The following TEX11 variants were observed in gnomAD, a reference collection of about 807,000 sequenced individuals.
The protein encoded by TEX11 is testis-expressed protein 11.
Under a neutral mutation model 84.4 loss-of-function variants are expected in TEX11, and 7 were observed. The observed-to-expected ratio is 0.08, with a 90% CI of 0.05 to 0.16. The LOEUF (loss-of-function observed/expected upper bound fraction) is 0.16. Ranked by LOEUF, TEX11 falls within the 10% of genes least tolerant of loss-of-function variation. The pLI is 1.00. For missense variants in TEX11, 551 were observed against 660.5 expected, an observed-to-expected ratio of 0.83 and a Z score of 1.82; for synonymous variants, 264 against 222.8, an observed-to-expected ratio of 1.18 and a Z score of -1.64.
chrX:70,654,709 CAAAAAAAAA>C (rs56822297), intron 16 of TEX11, among the ~76,000 whole-genome samples: 2 of 37,627 alleles, frequency 5.3e-5, no homozygotes, highest in African/African-American at 2.4e-4. Flanking sequence ...GACTCTGTCT[CAAAAAAAAA>C]AAAAAAAAAA....
intron 28 of TEX11, among the ~76,000 whole-genome samples, chrX:70,532,489 A>T (rs1362936542): frequency 8.9e-6 from 1 of 112,533 alleles, no homozygotes; most frequent in Non-Finnish European, 1.9e-5. Flanking sequence ...TAATCCCAGC[A>T]CTTTGGGAGG....
chrX:70,767,339 G>A (rs962632259), intron 9 of TEX11, among the ~76,000 whole-genome samples: 1 of 111,841 alleles, frequency 8.9e-6, no homozygotes, highest in African/African-American at 3.2e-5. Flanking sequence ...ACACACAAAT[G>A]GCAGGCAGAC....
At chrX:70,772,778 G>A in intron 9 of TEX11, among the ~76,000 whole-genome samples, 1 of 109,802 alleles carries the variant, frequency 9.1e-6, no homozygotes, top group East Asian at 2.9e-4. Flanking sequence ...AATAAGAAGA[G>A]GTTCAAAAAC....
chrX:70,778,154 G>A (rs1322111891), intron 9 of TEX11, among the ~76,000 whole-genome samples: 1 of 111,406 alleles, frequency 9.0e-6, no homozygotes, highest in Non-Finnish European at 1.9e-5. Flanking sequence ...AGACAAAGAA[G>A]GGCATTATAT....
At chrX:70,645,125 A>G (rs1323760088) in intron 17 of TEX11, among the ~76,000 whole-genome samples, 1 of 110,302 alleles carries the variant, frequency 9.1e-6, no homozygotes, top group Non-Finnish European at 1.9e-5. Context: ...CAAATAATGA[A>G]TAAGGAGATT....
At chrX:70,760,371 A>G (rs1188102485) in intron 9 of TEX11, among the ~76,000 whole-genome samples, 1 of 111,915 alleles carries the variant, frequency 8.9e-6, no homozygotes, top group African/African-American at 3.2e-5. Flanking sequence ...CTATATTACA[A>G]GGCCACAATA....
intron 25 of TEX11, among the ~76,000 whole-genome samples, chrX:70,583,193 T>C (rs976891809): frequency 5.4e-5 from 6 of 111,442 alleles, no homozygotes; most frequent in African/African-American, 1.6e-4. Flanking sequence ...GTATTTACTG[T>C]AACCATCACC....
rs150701506 is a variant in TEX11 at position 70,602,419 on chromosome X, T to A, written c.2067+2982A>T. 4.9e-5 allele frequency among the ~76,000 whole-genome samples: 5 copies of A among 102,116 alleles called. 1 individual carries two copies. The highest frequency in any genetic ancestry group is 4.2e-4 in the Admixed American group (4 of 9,577). 88.7% of individuals were successfully genotyped at this position (102,116 alleles called of 115,157 possible). ...AATATACGCAAATCAATAAATGTAATCCAGCATATAAACAGAGCCAAAGAC... is the reference window on the plus strand; with the variant it reads ...AATATACGCAAATCAATAAATGTAAACCAGCATATAAACAGAGCCAAAGAC... On this transcript the variant is annotated intron_variant, in intron 24 of 29. Transcript: ENST00000374333.
At position 70,620,458 on chromosome X, in the gene TEX11, C is replaced by T. The variant is rs146206060; in HGVS notation, c.1751+3492G>A. 7.0e-4 allele frequency among the ~76,000 whole-genome samples: 78 copies of T among 111,913 alleles called. No homozygotes were observed. In the East Asian group the frequency reaches 0.021, roughly 30 times the overall value. Reference sequence around the variant, plus strand: ...TCTCAAACACTGACAACACCAAATGCTGGTGAGGGCACACAGCAACAGGGA... The same window carrying T: ...TCTCAAACACTGACAACACCAAATGTTGGTGAGGGCACACAGCAACAGGGA... On this transcript the variant is annotated intron_variant, in intron 20 of 29. Transcript: ENST00000374333.
rs764025236 is a variant in TEX11 at position 70,529,883 on chromosome X, C to G, written c.2637G>C (p.Leu879Phe). 8.3e-7 allele frequency: 1 copy of G among 1,211,367 alleles called. No individual in the cohort carries two copies. Among genetic ancestry groups the G allele is most frequent in the Non-Finnish European group, 1.1e-6 (1 of 895,464 alleles). Reference sequence around the variant, plus strand: ...AGGAGGTAAGGTGGTTAAGGAAACGCAAGGCCAGGCCACACCACTTTTCAG... The same window carrying G: ...AGGAGGTAAGGTGGTTAAGGAAACGGAAGGCCAGGCCACACCACTTTTCAG... Reference protein sequence around the residue: ...ASAEKWCGLALRFLNHLTSFK... With the variant: ...ASAEKWCGLAFRFLNHLTSFK... Residue 879 changes from leucine to phenylalanine, a missense_variant, in exon 29 of 30, where the codon TTG becomes TTC. Transcript: ENST00000374333.
At chrX:70,575,585 C>T (rs2088662564) in intron 25 of TEX11, among the ~76,000 whole-genome samples, 1 of 111,444 alleles carries the variant, frequency 9.0e-6, no homozygotes, top group South Asian at 3.8e-4. Flanking sequence ...AATCAGAAAG[C>T]AGCCCTCACC....
chrX:70,547,073 C>T (rs2088138755), intron 28 of TEX11, among the ~76,000 whole-genome samples: 1 of 95,501 alleles, frequency 1.0e-5, no homozygotes, highest in Admixed American at 1.2e-4. Context: ...ACTGATAATG[C>T]TACAACATGG....
chrX:70,760,259 A>G (rs1281764538), intron 9 of TEX11, among the ~76,000 whole-genome samples: 1 of 112,103 alleles, frequency 8.9e-6, no homozygotes, highest in East Asian at 2.8e-4. Flanking sequence ...ATTGGAAAAA[A>G]CTACTTTAAA....
intron 24 of TEX11, among the ~76,000 whole-genome samples, chrX:70,599,994 A>C (rs944889558): frequency 1.7e-4 from 19 of 110,658 alleles, no homozygotes; most frequent in South Asian, 7.8e-4. Context: ...GTGCATGTGT[A>C]TTTATAGCAG....
intron 16 of TEX11, among the ~76,000 whole-genome samples, chrX:70,662,022 G>C (rs1484605717): frequency 8.9e-6 from 1 of 112,279 alleles, no homozygotes; most frequent in African/African-American, 3.2e-5. Flanking sequence ...GATAGAGAAT[G>C]ACTTTGACGA....
At chrX:70,568,974 TCTC>T (rs2088541698) in intron 25 of TEX11, among the ~76,000 whole-genome samples, 1 of 111,889 alleles carries the variant, frequency 8.9e-6, no homozygotes, top group Admixed American at 9.5e-5. Context: ...TTGGGGAAGT[TCTC>T]CTGGATAATA....
chrX:70,631,910 C>A (rs1483019703), intron 17 of TEX11, among the ~76,000 whole-genome samples: 1 of 77,727 alleles, frequency 1.3e-5, no homozygotes, highest in Non-Finnish European at 2.4e-5. Flanking sequence ...ATTGTTGATA[C>A]AAGGACAAAT....
intron 27 of TEX11, among the ~76,000 whole-genome samples, chrX:70,552,452 A>C (rs2088228563): frequency 9.0e-6 from 1 of 111,606 alleles, no homozygotes; most frequent in Non-Finnish European, 1.9e-5. Flanking sequence ...TTTCATGCCT[A>C]TGGTTGTCTT....
intron 9 of TEX11, among the ~76,000 whole-genome samples, chrX:70,769,399 CT>C (rs765821722): frequency 9.0e-6 from 1 of 111,473 alleles, no homozygotes; most frequent in African/African-American, 3.2e-5. Context: ...CACTACTGAC[CT>C]TTAGAGAAAA....
Sources: gnomAD v4.1 joint callset for allele counts (sites outside exome capture counted in the v4.1 genomes callset) on GRCh38, gnomAD v4.1.1 for gene constraint, MANE v1.5 for transcripts, NCBI Gene and HGNC (gene_info 2026-07-23, HGNC 2026-07-21) for gene names.